SSBP2: variants seen among roughly 807,000 people sequenced by gnomAD.
SSBP2 encodes single-stranded DNA-binding protein 2.
A neutral mutation model predicts 61.8 loss-of-function variants in SSBP2; 17 were observed. That is an observed-to-expected ratio of 0.28 (90% CI 0.19 to 0.41). The LOEUF is 0.41. SSBP2 is among the 10% of genes least tolerant of loss of function. SSBP2 has a pLI of 1.00. For synonymous variants in SSBP2, 139 were observed against 141.3 expected, an observed-to-expected ratio of 0.98 and a Z score of 0.12; for missense variants, 310 against 458.7, an observed-to-expected ratio of 0.68 and a Z score of 2.96.
intron 1 of SSBP2, among the ~76,000 whole-genome samples, chr5:81,685,998 T>C (rs1752744093): frequency 1.3e-5 from 2 of 152,222 alleles, no homozygotes; most frequent in South Asian, 4.1e-4. Flanking sequence ...GGATAAGTCT[T>C]GACATTTTTC....
At chr5:81,721,048 T>C (rs1315156981) in intron 1 of SSBP2, among the ~76,000 whole-genome samples, 2 of 151,976 alleles carry the variant, frequency 1.3e-5, no homozygotes, top group Non-Finnish European at 1.5e-5. Context: ...CAAAACTAAA[T>C]GGAAATAAAG....
intron 1 of SSBP2, among the ~76,000 whole-genome samples, chr5:81,691,623 T>C (rs192003075): frequency 3.9e-5 from 6 of 152,036 alleles, no homozygotes; most frequent in Non-Finnish European, 8.8e-5. Context: ...TGCTGAATTC[T>C]ATCAAACATT....
chr5:81,631,160 C>T (rs975693448), intron 3 of SSBP2, among the ~76,000 whole-genome samples: 1 of 152,182 alleles, frequency 6.6e-6, no homozygotes, highest in Non-Finnish European at 1.5e-5. Context: ...AGGAAAACAG[C>T]ATAATGATGG....
intron 4 of SSBP2, among the ~76,000 whole-genome samples, chr5:81,536,821 A>G (rs1225514269): frequency 1.3e-5 from 2 of 152,102 alleles, no homozygotes; most frequent in Non-Finnish European, 2.9e-5. Flanking sequence ...GGAAATCAAG[A>G]CCATCCTGGC....
intron 10 of SSBP2, among the ~76,000 whole-genome samples, chr5:81,454,693 T>C (rs1260913274): frequency 1.3e-5 from 2 of 148,610 alleles, no homozygotes; most frequent in Admixed American, 6.7e-5. Flanking sequence ...AAAAAAATAA[T>C]AGAACAATAA....
chr5:81,662,345 T>C (rs984423553), intron 1 of SSBP2, among the ~76,000 whole-genome samples: 1 of 151,868 alleles, frequency 6.6e-6, no homozygotes, highest in South Asian at 2.1e-4. Context: ...CAGACGCCCG[T>C]AATCCCAGCT....
chr5:81,702,849 C>T (rs1754088232), intron 1 of SSBP2, among the ~76,000 whole-genome samples: 1 of 152,200 alleles, frequency 6.6e-6, no homozygotes. Flanking sequence ...GTGACCTACA[C>T]TAAGTTGCCA....
intron 4 of SSBP2, among the ~76,000 whole-genome samples, chr5:81,551,537 A>G (rs1554085276): frequency 6.6e-6 from 1 of 152,196 alleles, no homozygotes; most frequent in Non-Finnish European, 1.5e-5. Flanking sequence ...GAAGGCTTGA[A>G]CAACAAGTGA....
intron 6 of SSBP2, among the ~76,000 whole-genome samples, chr5:81,481,634 A>C (rs968577101): frequency 2.0e-5 from 3 of 150,078 alleles, no homozygotes; most frequent in Non-Finnish European, 4.4e-5. Flanking sequence ...AAAAAAAAAA[A>C]CAAACTGAAA....
Position 81,568,523 on chromosome 5 carries a change from T to C in SSBP2, c.282+46950A>G, listed in dbSNP as rs147874045. ...GCAGCAGCATGAAAACGGACTAATA[T>C]AGTTTGGATTATAAACTGAATCCTT... On this transcript the variant is annotated intron_variant, in intron 4 of 16. Coordinates refer to ENST00000320672, the MANE Select transcript of SSBP2 (RefSeq NM_012446.5). Among the ~76,000 whole-genome samples, 257 of 152,308 alleles carry C rather than the reference T, an allele frequency of 1.7e-3. 1 individual carries two copies. Among genetic ancestry groups the C allele is most frequent in the African/African-American group, 5.9e-3 (245 of 41,564 alleles).
intron 4 of SSBP2, among the ~76,000 whole-genome samples, chr5:81,525,336 C>T (rs1769835891): frequency 1.3e-5 from 2 of 151,876 alleles, no homozygotes; most frequent in African/African-American, 4.8e-5. Context: ...CTCCTCCCAC[C>T]CTCCATCCTC....
At chr5:81,659,884 A>T (rs185957780) in intron 1 of SSBP2, among the ~76,000 whole-genome samples, 2 of 152,308 alleles carry the variant, frequency 1.3e-5, no homozygotes, top group Admixed American at 1.3e-4. Flanking sequence ...AACATCACAC[A>T]TCTACAACCA....
At chr5:81,600,561 C>CAAAAA (rs35204869) in intron 4 of SSBP2, among the ~76,000 whole-genome samples, 16 of 87,606 alleles carry the variant, frequency 1.8e-4, no homozygotes, top group East Asian at 5.7e-4. Flanking sequence ...GACTCTGTCT[C>CAAAAA]AAAAAAAAAA....
intron 1 of SSBP2, among the ~76,000 whole-genome samples, chr5:81,685,439 A>T (rs1752701434): frequency 6.6e-6 from 1 of 152,192 alleles, no homozygotes; most frequent in Admixed American, 6.5e-5. Flanking sequence ...AGATATGGAT[A>T]ATCAGGCAGG....
chr5:81,430,854 C>T (rs575644088), intron 15 of SSBP2, among the ~76,000 whole-genome samples: 36 of 152,136 alleles, frequency 2.4e-4, no homozygotes, highest in African/African-American at 3.4e-4. Context: ...CCTACTGGAC[C>T]GTATTTGAAA....
At chr5:81,443,335 A>T (rs1382581266) in intron 12 of SSBP2, 1 of 152,202 alleles carries the variant, frequency 6.6e-6, no homozygotes, top group Non-Finnish European at 1.5e-5. Context: ...AAATATCTGT[A>T]CTGCATATCC....
At chr5:81,743,264 A>G (rs1757149633) in intron 1 of SSBP2, among the ~76,000 whole-genome samples, 1 of 152,172 alleles carries the variant, frequency 6.6e-6, no homozygotes, top group African/African-American at 2.4e-5. Flanking sequence ...AATTATGTTG[A>G]TGCTAAGGTT....
intron 1 of SSBP2, among the ~76,000 whole-genome samples, chr5:81,682,206 T>C (rs1752437508): frequency 6.6e-6 from 1 of 152,186 alleles, no homozygotes; most frequent in African/African-American, 2.4e-5. Context: ...TTCTAACTCA[T>C]TCTATCAATA....
chr5:81,557,534 C>T (rs558724056), intron 4 of SSBP2, among the ~76,000 whole-genome samples: 2 of 152,206 alleles, frequency 1.3e-5, no homozygotes, highest in African/African-American at 4.8e-5. Flanking sequence ...TCTTCTCCTC[C>T]TAGTTTTAAG....
Sources: allele counts gnomAD v4.1 joint callset (sites outside exome capture counted in the v4.1 genomes callset), GRCh38; gene constraint gnomAD v4.1.1; transcripts MANE v1.5; gene names NCBI Gene and HGNC (gene_info 2026-07-23, HGNC 2026-07-21).